Variants in RAB11FIP4 observed in about 807,000 individuals in gnomAD.
RAB11FIP4 encodes RAB11 family interacting protein 4, also known as rab11 family-interacting protein 4.
A neutral mutation model predicts 74.3 loss-of-function variants in RAB11FIP4; 23 were observed. The ratio of observed to expected loss-of-function variants is 0.31; its 90% CI spans 0.22 to 0.44. The LOEUF (loss-of-function observed/expected upper bound fraction) is 0.44. Among genes scored for constraint, RAB11FIP4 ranks in the 20% least tolerant of loss-of-function variants. The probability of loss-of-function intolerance (pLI) is 1.00; values close to 1 mark genes in which losing one functional copy is unlikely to be tolerated. For synonymous variants in RAB11FIP4, 360 were observed against 359.9 expected (o/e 1.00, Z 0.00); for missense variants, 630 against 863.9 (o/e 0.73, Z 3.39).
intron 10 of RAB11FIP4, chr17:31,526,038 C>T (rs750044960): frequency 6.6e-6 from 1 of 152,242 alleles, no homozygotes; most frequent in Non-Finnish European, 1.5e-5. Context: ...TCCCTGCCCC[C>T]GTGTCCCTGC....
intron 1 of RAB11FIP4, among the ~76,000 whole-genome samples, chr17:31,395,186 T>A (rs2070917371): frequency 6.6e-6 from 1 of 152,082 alleles, no homozygotes; most frequent in African/African-American, 2.4e-5. Flanking sequence ...TCATAAAGTA[T>A]GAAATAAATA....
At chr17:31,455,044 C>G (rs952963071) in intron 3 of RAB11FIP4, among the ~76,000 whole-genome samples, 1 of 152,196 alleles carries the variant, frequency 6.6e-6, no homozygotes, top group African/African-American at 2.4e-5. Context: ...AACTTCTCCT[C>G]TACCCTTTTA....
intron 3 of RAB11FIP4, among the ~76,000 whole-genome samples, chr17:31,450,312 G>A (rs1346629452): frequency 2.1e-5 from 3 of 143,308 alleles, no homozygotes; most frequent in South Asian, 2.3e-4. Context: ...CCACCCCCCC[G>A]CCACCGGCTT....
At position 31,534,054 on chromosome 17, in the gene RAB11FIP4, G is replaced by A. The variant is rs1567698683; in HGVS notation, c.*2322G>A. The A allele has an allele frequency of 6.6e-6, 1 of 152,142 alleles. No homozygotes were observed. Among genetic ancestry groups the A allele is most frequent in the Non-Finnish European group, 1.5e-5 (1 of 68,036 alleles). The allele number at this position is 152,142 out of a possible 1,614,324, so 9.4% of individuals were successfully genotyped here. On this transcript the variant is annotated 3_prime_UTR_variant, in exon 15 of 15. Transcript: ENST00000621161. ...TCTGGGCTCAAAAGCTAGCTTGAGG[G>A]GGCAGATGCCCCAGGTGTCCCAGCT... is the stretch of plus-strand genomic sequence containing the variant.
intron 3 of RAB11FIP4, among the ~76,000 whole-genome samples, chr17:31,505,053 C>T (rs1422057607): frequency 6.6e-6 from 1 of 152,052 alleles, no homozygotes; most frequent in Non-Finnish European, 1.5e-5. Flanking sequence ...CTTAGTTAAG[C>T]CCACACTATA....
intron 3 of RAB11FIP4, among the ~76,000 whole-genome samples, chr17:31,514,481 C>G (rs1394636044): frequency 1.1e-5 from 1 of 88,866 alleles, no homozygotes; most frequent in Non-Finnish European, 2.2e-5. Context: ...CATGTCCGGA[C>G]CCGGCTGTAA....
At chr17:31,524,052 G>T in intron 9 of RAB11FIP4, 56 bp downstream of exon 9, 1 of 1,330,054 alleles carries the variant, frequency 7.5e-7, no homozygotes, top group Non-Finnish European at 1.1e-6. Context: ...ACAAAGGGGG[G>T]TCCATCTTGC....
At chr17:31,478,940 A>G (rs909357231) in intron 3 of RAB11FIP4, among the ~76,000 whole-genome samples, 1 of 152,206 alleles carries the variant, frequency 6.6e-6, no homozygotes, top group Non-Finnish European at 1.5e-5. Flanking sequence ...CATCCTTACC[A>G]ATTAGTTTCT....
Position 31,476,672 on chromosome 17 carries a change from C to T in RAB11FIP4, c.337-40979C>T, listed in dbSNP as rs539238046. ...GGGACCTGGCCTGGAAGAAAGGTTT[C>T]TTTTTTAGGGCACCCCATGAGCAGC... is the stretch of plus-strand genomic sequence containing the variant. On this transcript the variant is annotated intron_variant, in intron 3 of 14. Coordinates refer to ENST00000621161, the MANE Select transcript of RAB11FIP4 (RefSeq NM_032932.6). Among the ~76,000 whole-genome samples, 109 of 152,322 alleles carry T rather than the reference C, an allele frequency of 7.2e-4. 1 individual carries two copies. Among genetic ancestry groups the T allele is most frequent in the African/African-American group, 2.4e-3 (99 of 41,574 alleles).
At chr17:31,442,734 T>C (rs977456862) in intron 3 of RAB11FIP4, among the ~76,000 whole-genome samples, 3 of 152,044 alleles carry the variant, frequency 2.0e-5, no homozygotes, top group African/African-American at 7.2e-5. Context: ...TGGAGGCAGG[T>C]GGATCACCTG....
chr17:31,505,281 T>A (rs2072295565), intron 3 of RAB11FIP4, among the ~76,000 whole-genome samples: 1 of 148,602 alleles, frequency 6.7e-6, no homozygotes, highest in Non-Finnish European at 1.5e-5. Context: ...AATCTACTGG[T>A]GTTATTCTGC....
chr17:31,492,333 A>C (rs4439812), intron 3 of RAB11FIP4, among the ~76,000 whole-genome samples: 2 of 152,088 alleles, frequency 1.3e-5, no homozygotes, highest in East Asian at 3.9e-4. Flanking sequence ...GATCATATAT[A>C]TGTGTGTACA....
At position 31,461,403 on chromosome 17, in the gene RAB11FIP4, C is replaced by T. The variant is rs559595879; in HGVS notation, c.336+27281C>T. ...GCTTGGCACTGAGCACTGATGTAAG[C>T]CCTGGATGCTCAAATAAAAATGCAT... On this transcript the variant is annotated intron_variant, in intron 3 of 14. Coordinates refer to ENST00000621161, the MANE Select transcript of RAB11FIP4 (RefSeq NM_032932.6). Among the ~76,000 whole-genome samples the T allele has an allele frequency of 5.9e-5, 9 of 152,292 alleles. No individual in the cohort carries two copies. The East Asian group carries it at 1.7e-3, about 29-fold the overall frequency.
At chr17:31,518,088 G>C (rs780872589) in intron 4 of RAB11FIP4, among the ~76,000 whole-genome samples, 15 of 152,194 alleles carry the variant, frequency 9.9e-5, no homozygotes, top group Non-Finnish European at 2.1e-4. Context: ...GCTGTGCAAA[G>C]TCAAGTTTTT....
At chr17:31,430,430 T>A (rs1276243594) in intron 1 of RAB11FIP4, among the ~76,000 whole-genome samples, 4 of 145,202 alleles carry the variant, frequency 2.8e-5, no homozygotes, top group African/African-American at 1.0e-4. Context: ...TGATCTCAGC[T>A]CAATGCAACC....
chr17:31,427,061 C>T (rs117260204), intron 1 of RAB11FIP4, among the ~76,000 whole-genome samples: 4,901 of 152,246 alleles, frequency 0.032, 135 homozygotes, highest in Non-Finnish European at 0.052. Context: ...CTGTTTCAAA[C>T]GATTCTCCTG....
rs74867518 is a variant in RAB11FIP4 at position 31,404,862 on chromosome 17, T to C, written c.159+12851T>C. The stretch of plus-strand genomic sequence containing the variant: ...CCTTTCTGGAGTGGGACTTCAGAAA[T>C]GGATGGCGGGGCTGAGTTTGGAACA... On this transcript the variant is annotated intron_variant, in intron 1 of 14. Transcript: ENST00000621161. Among the ~76,000 whole-genome samples, 1,268 of 151,572 alleles carry C rather than the reference T, an allele frequency of 8.4e-3. 52 individuals are homozygous for C. The highest frequency in any genetic ancestry group is 0.068 in the Admixed American group (1,041 of 15,216).
At chr17:31,415,059 AC>A (rs2071134220) in intron 1 of RAB11FIP4, among the ~76,000 whole-genome samples, 2 of 152,058 alleles carry the variant, frequency 1.3e-5, no homozygotes, top group Non-Finnish European at 2.9e-5. Context: ...CATGGGCCCC[AC>A]CCTCCAGAGA....
intron 3 of RAB11FIP4, among the ~76,000 whole-genome samples, chr17:31,447,093 G>T (rs543005039): frequency 2.6e-5 from 4 of 152,188 alleles, no homozygotes; most frequent in Non-Finnish European, 4.4e-5. Context: ...GACCATCCTG[G>T]CTAACACGGT....
Sources: allele counts gnomAD v4.1 joint callset (sites outside exome capture counted in the v4.1 genomes callset), GRCh38; gene constraint gnomAD v4.1.1; transcripts MANE v1.5; gene names NCBI Gene and HGNC (gene_info 2026-07-23, HGNC 2026-07-21).